The following BYSL variants were observed in gnomAD, a reference collection of about 807,000 sequenced individuals.
BYSL encodes the protein bystin.
In BYSL, 21 loss-of-function variants were observed where a neutral mutation model predicts 45.4. The ratio of observed to expected loss-of-function variants is 0.46; its 90% confidence interval spans 0.33 to 0.67. BYSL has a LOEUF of 0.67. Ranked by LOEUF, BYSL falls within the 30% of genes least tolerant of loss-of-function variation. The pLI, the probability that BYSL is intolerant of heterozygous loss-of-function variation, is 0.02. For missense variants in BYSL, 522 were observed against 578.5 expected (o/e 0.90, Z 1.00); for synonymous variants, 215 against 231.3 (o/e 0.93, Z 0.64).
At chr6:41,927,234 A>C in intron 1 of BYSL, 140 bp from the exon 2 acceptor site, 2 of 921,172 alleles carry the variant, frequency 2.2e-6, no homozygotes, top group Non-Finnish European at 1.6e-6. Flanking sequence ...ACAGGGAGCT[A>C]ATGCATTTGT....
chr6:41,921,960 CTG>C (rs1357574691), intron 1 of BYSL, 130 bp downstream of exon 1: 2 of 1,337,506 alleles, frequency 1.5e-6, no homozygotes, highest in Non-Finnish European at 2.0e-6. Flanking sequence ...GCAAAGGAGA[CTG>C]AACCCTGTCT....
rs138306323 is a variant in BYSL, at chr6:41,927,265, C to A, written c.269-109C>A. 2,224 of 1,355,262 alleles carry A rather than the reference C, an allele frequency of 1.6e-3. 14 individuals are homozygous for A. The African/African-American group carries it at 0.019, about 12-fold the overall frequency. 84.0% of individuals were successfully genotyped at this position (1,355,262 alleles called of 1,614,324 possible). On this transcript the variant is annotated intron_variant, in intron 1 of 6. Transcript: ENST00000230340. ...TTTGTTTCACTGCACATACCTGCGT[C>A]TATCACAACCACATGTGAGGCCTGT...
chr6:41,932,647 C>A lies in BYSL; in HGVS notation c.1255C>A (p.Arg419Ser), dbSNP rs143379418. ...PHPQLSPEIRRELQSAVPRDV... is the reference protein window; with the variant it reads ...PHPQLSPEIRSELQSAVPRDV... ...TCCACAGCTATCGCCCGAAATCAGGCGTGAGCTTCAGAGTGCAGTCCCCCG... is the reference window on the plus strand; with the variant it reads ...TCCACAGCTATCGCCCGAAATCAGGAGTGAGCTTCAGAGTGCAGTCCCCCG... The change falls in exon 7 of 7, where the codon CGT becomes AGT. Residue 419 changes from arginine (R) to serine (S), a missense_variant. Arg to Ser is a moderately radical substitution (Grantham distance 110). Coordinates refer to ENST00000230340, the MANE Select transcript of BYSL (RefSeq NM_004053.4). This position sits in a 1 kb window ranked among gnomAD's most constrained non-coding sequence, Gnocchi z 4.7. 1 of 1,614,208 alleles carries A rather than the reference C, an allele frequency of 6.2e-7. No individual in the cohort carries two copies. Among genetic ancestry groups the A allele is most frequent in the Non-Finnish European group, 8.5e-7 (1 of 1,180,026 alleles).
chr6:41,927,671 A>C, intron 2 of BYSL, 135 bp downstream of exon 2: 7 of 1,089,984 alleles, frequency 6.4e-6, no homozygotes, highest in Non-Finnish European at 7.7e-6. Context: ...ACCTTGACAA[A>C]ACTGGCCCAT....
At chr6:41,926,642 G>A (rs1399346811) in intron 1 of BYSL, among the ~76,000 whole-genome samples, 1 of 150,674 alleles carries the variant, frequency 6.6e-6, no homozygotes, top group Non-Finnish European at 1.5e-5. Context: ...GTAGAGATGG[G>A]GTTTCACCAT....
At chr6:41,931,319 T>A (rs1018809589) in intron 4 of BYSL, 77 bp from the exon 5 acceptor site, 7 of 1,532,158 alleles carry the variant, frequency 4.6e-6, no homozygotes, top group Non-Finnish European at 6.3e-6. Context: ...TTGTATGCAC[T>A]ATCCATGGTG....
intron 1 of BYSL, among the ~76,000 whole-genome samples, 162 bp downstream of exon 1, chr6:41,921,992 C>T (rs572508232): frequency 6.6e-6 from 1 of 152,290 alleles, no homozygotes; most frequent in Admixed American, 6.5e-5. Flanking sequence ...CGCGTCCACT[C>T]CTAGTTTTAG....
chr6:41,910,152 A>G, the BYSL span, among the ~76,000 whole-genome samples: 6 of 152,188 alleles, frequency 3.9e-5, no homozygotes, highest in African/African-American at 1.4e-4. Flanking sequence ...AATTTTTAGA[A>G]GTCTAGCCAA....
chr6:41,924,910 A>G (rs1180489365), intron 1 of BYSL, among the ~76,000 whole-genome samples: 1 of 152,158 alleles, frequency 6.6e-6, no homozygotes, highest in Non-Finnish European at 1.5e-5. Flanking sequence ...GTAAAATTGA[A>G]TATGATTTAG....
chr6:41,932,319 T>C lies in BYSL; in HGVS notation c.969-42T>C. ...GGGAGAAGTAGGATCCTTCTTCCAA[T>C]GTTTTCCCTGCTTACTCTACCCCAC... On this transcript the variant is annotated intron_variant, in intron 6 of 6. Coordinates refer to ENST00000230340, the MANE Select transcript of BYSL (RefSeq NM_004053.4). This position sits in a 1 kb window ranked among gnomAD's most constrained non-coding sequence, Gnocchi z 4.7. 1.3e-6 allele frequency: 2 copies of C among 1,558,522 alleles called. No individual in the cohort carries two copies. Among genetic ancestry groups the C allele is most frequent in the Middle Eastern group, 3.4e-4 (2 of 5,916 alleles).
At chr6:41,919,282 C>T (rs1775398418), upstream of BYSL, among the ~76,000 whole-genome samples, 1 of 152,146 alleles carries the variant, frequency 6.6e-6, no homozygotes, top group Admixed American at 6.5e-5. Flanking sequence ...ACTAACTAGA[C>T]TGCCTGTATA....
intron 1 of BYSL, among the ~76,000 whole-genome samples, chr6:41,922,058 A>G (rs996862574): frequency 1.3e-5 from 2 of 152,140 alleles, no homozygotes; most frequent in Non-Finnish European, 2.9e-5. Context: ...TCGCGCCACT[A>G]AGTGCTCCTA....
chr6:41,912,199 C>CTT, the BYSL span, among the ~76,000 whole-genome samples: 335 of 119,278 alleles, frequency 2.8e-3, no homozygotes, highest in African/African-American at 5.5e-3. Flanking sequence ...CCATGCCCAC[C>CTT]TTTTTTTTTT....
the BYSL span, chr6:41,909,340 G>A: frequency 6.2e-7 from 1 of 1,614,086 alleles, no homozygotes; most frequent in Non-Finnish European, 8.5e-7. Flanking sequence ...TCACAGTACT[G>A]GTACCTGGTG....
chr6:41,930,250 G>T lies in BYSL; in HGVS notation c.550G>T (p.Val184Leu). Residue 184 changes from valine (V) to leucine (L), a missense_variant, in exon 3 of 7, where the codon GTG becomes TTG. Val to Leu is a conservative substitution (Grantham distance 32, BLOSUM62 1). Coordinates refer to ENST00000230340, the MANE Select transcript of BYSL (RefSeq NM_004053.4). ...CCAGCTGGACCCCCGGGTCCTAGAA[G>T]TGTACAGGGGGGTCCGGGAGGTAAG... Reference protein sequence around the residue: ...MPQLDPRVLEVYRGVREVLSK... With the variant: ...MPQLDPRVLELYRGVREVLSK... 1 of 1,614,154 alleles carries T rather than the reference G, an allele frequency of 6.2e-7. No individual in the cohort carries two copies. Among genetic ancestry groups the T allele is most frequent in the East Asian group, 2.2e-5 (1 of 44,882 alleles).
At chr6:41,915,535 C>T in the BYSL span, among the ~76,000 whole-genome samples, 1 of 151,922 alleles carries the variant, frequency 6.6e-6, no homozygotes, top group Non-Finnish European at 1.5e-5. Context: ...CGCCTATAAT[C>T]CCAGCACTTC....
rs183967179 is a variant in BYSL at position 41,924,328 on chromosome 6, C to T, written c.268+2498C>T. On this transcript the variant is annotated intron_variant, in intron 1 of 6. Coordinates refer to ENST00000230340, the MANE Select transcript of BYSL (RefSeq NM_004053.4). ...TCAGGTGATCCACCCGCCTCGGCCT[C>T]CCGAAGTGCTGGGATTACAGGCATG... 6.3e-3 allele frequency among the ~76,000 whole-genome samples: 963 copies of T among 152,248 alleles called. 7 individuals are homozygous for T. The highest frequency in any genetic ancestry group is 0.02 in the African/African-American group (842 of 41,562).
At chr6:41,925,776 C>T (rs1775556049) in intron 1 of BYSL, among the ~76,000 whole-genome samples, 1 of 152,114 alleles carries the variant, frequency 6.6e-6, no homozygotes, top group Non-Finnish European at 1.5e-5. Context: ...ACCTCCACCT[C>T]CCGGGTTCAA....
intron 2 of BYSL, 173 bp downstream of exon 2, chr6:41,927,709 G>A (rs1427371543): frequency 1.4e-6 from 1 of 692,754 alleles, no homozygotes; most frequent in South Asian, 2.0e-5. Flanking sequence ...GAGTAGGAAT[G>A]ACCCAGCCTC....
Sources: allele counts gnomAD v4.1 joint callset (sites outside exome capture counted in the v4.1 genomes callset), GRCh38; gene constraint gnomAD v4.1.1; non-coding constraint Gnocchi (gnomAD v3.1); transcripts MANE v1.5; gene names NCBI Gene and HGNC (gene_info 2026-07-23, HGNC 2026-07-21).